The following DPYD variants were observed in gnomAD, a reference collection of about 807,000 sequenced individuals.
DPYD encodes dihydropyrimidine dehydrogenase.
A neutral mutation model predicts 116.2 loss-of-function variants in DPYD; 109 were observed. That is an observed-to-expected ratio of 0.94 (90% CI 0.80 to 1.10). DPYD has a LOEUF of 1.10. Among genes scored for constraint, DPYD ranks in the 50% least tolerant of loss-of-function variants. The pLI is 0.00. For synonymous variants in DPYD, 440 were observed against 432.0 expected, an observed-to-expected ratio of 1.02 and a Z score of -0.23; for missense variants, 1,302 against 1,254.5, an observed-to-expected ratio of 1.04 and a Z score of -0.57.
chr1:97,206,252 C>T (rs907940891), intron 19 of DPYD, among the ~76,000 whole-genome samples: 3 of 151,868 alleles, frequency 2.0e-5, no homozygotes, highest in Non-Finnish European at 4.4e-5. Flanking sequence ...TGTATTTTAA[C>T]AAACTTAATA....
intron 8 of DPYD, among the ~76,000 whole-genome samples, chr1:97,629,178 A>G (rs1657110290): frequency 6.6e-6 from 1 of 152,042 alleles, no homozygotes; most frequent in African/African-American, 2.4e-5. Flanking sequence ...TCTCACTTCT[A>G]AATGGCATGC....
intron 14 of DPYD, among the ~76,000 whole-genome samples, chr1:97,432,357 T>A (rs1358341836): frequency 6.6e-6 from 1 of 152,160 alleles, no homozygotes; most frequent in Admixed American, 6.6e-5. Flanking sequence ...CTCCATCTTG[T>A]CTAGTCTCCC....
intron 14 of DPYD, among the ~76,000 whole-genome samples, chr1:97,421,346 GA>G (rs1035783164): frequency 2.1e-4 from 32 of 152,066 alleles, no homozygotes; most frequent in Non-Finnish European, 2.9e-5. Context: ...CTATTTGCAT[GA>G]AAAACCATTA....
At chr1:97,232,251 T>C (rs1424793150) in intron 19 of DPYD, among the ~76,000 whole-genome samples, 3 of 152,212 alleles carry the variant, frequency 2.0e-5, no homozygotes, top group Non-Finnish European at 4.4e-5. Context: ...TGGCTTGTGA[T>C]GAGAAATCCC....
At chr1:97,199,679 G>A (rs992509186) in intron 19 of DPYD, among the ~76,000 whole-genome samples, 45 of 151,862 alleles carry the variant, frequency 3.0e-4, no homozygotes, top group African/African-American at 1.0e-3. Flanking sequence ...ACTCAGGTCT[G>A]AGACCCAACT....
intron 3 of DPYD, among the ~76,000 whole-genome samples, chr1:97,795,957 G>A (rs1667549721): frequency 2.6e-5 from 4 of 151,880 alleles, no homozygotes; most frequent in Admixed American, 1.3e-4. Context: ...AATGAGGGTA[G>A]GCTATCATCA....
At chr1:97,913,785 T>C (rs538944757) in intron 1 of DPYD, among the ~76,000 whole-genome samples, 2 of 151,794 alleles carry the variant, frequency 1.3e-5, no homozygotes, top group South Asian at 4.2e-4. Context: ...GTAAAAGTGC[T>C]GGGGGCTTTG....
intron 2 of DPYD, among the ~76,000 whole-genome samples, chr1:97,850,729 T>A (rs4421623): frequency 7.3e-5 from 11 of 151,594 alleles, no homozygotes; most frequent in South Asian, 2.1e-4. Flanking sequence ...TTCGGTCACC[T>A]ATTTTTTCCA....
chr1:97,586,507 T>C (rs1176969823), intron 10 of DPYD, among the ~76,000 whole-genome samples: 3 of 111,276 alleles, frequency 2.7e-5, no homozygotes, highest in East Asian at 2.4e-4. Context: ...TATATATATA[T>C]ATATATATAT....
At chr1:97,640,697 G>A (rs1029732189) in intron 8 of DPYD, among the ~76,000 whole-genome samples, 1 of 152,122 alleles carries the variant, frequency 6.6e-6, no homozygotes, top group African/African-American at 2.4e-5. Context: ...GGCTTTCCCT[G>A]AAAGATGGGC....
intron 5 of DPYD, among the ~76,000 whole-genome samples, chr1:97,709,264 A>G (rs1662152644): frequency 6.6e-6 from 1 of 151,926 alleles, no homozygotes; most frequent in Non-Finnish European, 1.5e-5. Flanking sequence ...GCCTTCAGTG[A>G]TATGCTTAAA....
chr1:97,879,961 G>T (rs4394693), intron 2 of DPYD, among the ~76,000 whole-genome samples: 2 of 151,298 alleles, frequency 1.3e-5, no homozygotes, highest in Non-Finnish European at 3.0e-5. Flanking sequence ...TAATTGTTGA[G>T]TCCAATTATA....
intron 20 of DPYD, among the ~76,000 whole-genome samples, chr1:97,182,553 A>G (rs547182103): frequency 6.6e-6 from 1 of 152,274 alleles, no homozygotes; most frequent in East Asian, 1.9e-4. Flanking sequence ...AGAAATGCAA[A>G]TATCATCTGG....
rs1297026041 is a variant in DPYD, at chr1:97,543,829, G to C, written c.1524+5731C>G. Among the ~76,000 whole-genome samples the C allele has an allele frequency of 2.6e-5, 4 of 152,096 alleles. No individual in the cohort carries two copies. In the East Asian group the frequency reaches 7.7e-4, roughly 29 times the overall value. On this transcript the variant is annotated intron_variant, in intron 12 of 22. Coordinates refer to ENST00000370192, the MANE Select transcript of DPYD (RefSeq NM_000110.4). ...CAGCAATACATAAACATGGTTCCTA[G>C]CTTGTGCAGAGACAGACCAGTAAGC...
intron 16 of DPYD, among the ~76,000 whole-genome samples, chr1:97,336,518 G>A (rs1669290791): frequency 6.6e-6 from 1 of 152,174 alleles, no homozygotes; most frequent in South Asian, 2.1e-4. Flanking sequence ...GGAGGCCGAG[G>A]TGGGCAGATC....
At chr1:97,653,303 CTT>C (rs753813558) in intron 8 of DPYD, among the ~76,000 whole-genome samples, 46 of 140,068 alleles carry the variant, frequency 3.3e-4, no homozygotes, top group Non-Finnish European at 3.9e-4. Context: ...TTTCTTTCTC[CTT>C]TTTTTTTTTT....
intron 8 of DPYD, among the ~76,000 whole-genome samples, chr1:97,603,641 T>A (rs550827840): frequency 1.3e-5 from 2 of 152,230 alleles, no homozygotes; most frequent in African/African-American, 4.8e-5. Context: ...TAAATGTAAC[T>A]CACATTCATT....
chr1:97,531,787 C>T (rs1422003890), intron 12 of DPYD, among the ~76,000 whole-genome samples: 1 of 152,088 alleles, frequency 6.6e-6, no homozygotes, highest in Non-Finnish European at 1.5e-5. Context: ...GTTTTGTCTG[C>T]TTTACTTTCT....
At chr1:97,130,632 T>A (rs1000129329) in intron 20 of DPYD, among the ~76,000 whole-genome samples, 2 of 152,112 alleles carry the variant, frequency 1.3e-5, no homozygotes, top group African/African-American at 4.8e-5. Flanking sequence ...TACCATCTGA[T>A]CTTTTCCTTT....
Sources: gnomAD v4.1 joint callset for allele counts (sites outside exome capture counted in the v4.1 genomes callset) on GRCh38, gnomAD v4.1.1 for gene constraint, MANE v1.5 for transcripts, NCBI Gene and HGNC (gene_info 2026-07-23, HGNC 2026-07-21) for gene names.